FAM178B: variants seen among roughly 807,000 people sequenced by gnomAD.
FAM178B encodes family with sequence similarity 178 member B.
A neutral mutation model predicts 91.7 loss-of-function variants in FAM178B; 82 were observed. The observed-to-expected ratio is 0.89, with a 90% CI of 0.75 to 1.07. The LOEUF is 1.07. Ranked by LOEUF, FAM178B falls within the 50% of genes least tolerant of loss-of-function variation. The pLI, the probability that FAM178B is intolerant of heterozygous loss-of-function variation, is 0.00. For missense variants in FAM178B, 769 were observed against 846.7 expected (o/e 0.91, Z 1.14); for synonymous variants, 368 against 359.4 (o/e 1.02, Z -0.27).
intron 1 of FAM178B, among the ~76,000 whole-genome samples, chr2:96,984,055 C>T (rs932633889): frequency 6.6e-6 from 1 of 152,030 alleles, no homozygotes; most frequent in African/African-American, 2.4e-5. Flanking sequence ...CTGCAACCTC[C>T]GCCTCCCGGG....
chr2:96,878,078 G>A, intron 15 of FAM178B, 36 bp from the exon 16 acceptor site: 1 of 1,599,720 alleles, frequency 6.3e-7, no homozygotes, highest in Non-Finnish European at 8.5e-7. Flanking sequence ...AGCGGGTGTA[G>A]CACAAGCCAG....
chr2:96,954,305 A>G (rs2081968646), intron 6 of FAM178B, among the ~76,000 whole-genome samples: 1 of 152,252 alleles, frequency 6.6e-6, no homozygotes. Context: ...CATGACAGCA[A>G]TGACAGTGGG....
At chr2:96,951,704 T>G in intron 6 of FAM178B, 1 of 519,472 alleles carries the variant, frequency 1.9e-6, no homozygotes. Context: ...GAATGTTGCG[T>G]GAACACACCT....
At chr2:96,948,288 C>CA (rs2081864895) in intron 7 of FAM178B, among the ~76,000 whole-genome samples, 1 of 152,254 alleles carries the variant, frequency 6.6e-6, no homozygotes, top group Admixed American at 6.5e-5. Flanking sequence ...AGCATGCCTG[C>CA]ACTCATCACA....
rs60965536 is a variant in FAM178B at position 96,967,911 on chromosome 2, C to CTTTTTTTTTTTTT, written c.627-297_627-285dup. On this transcript the variant is annotated intron_variant, in intron 4 of 16. Transcript: ENST00000490605. Reference sequence around the variant, plus strand: ...TCTTTACTTGTGTACCCTGTTTGGTCTTTTTTTTTTTTTTTTTTTTTTTTT... The same window carrying CTTTTTTTTTTTTT: ...TCTTTACTTGTGTACCCTGTTTGGTCTTTTTTTTTTTTTTTTTTTTTTTTTTTTTTTTTTTTTT... 8.0e-3 allele frequency among the ~76,000 whole-genome samples: 501 copies of CTTTTTTTTTTTTT among 62,430 alleles called. 158 individuals are homozygous for CTTTTTTTTTTTTT. Among genetic ancestry groups the CTTTTTTTTTTTTT allele is most frequent in the Non-Finnish European group, 0.012 (387 of 33,232 alleles). 41.0% of individuals were successfully genotyped at this position (62,430 alleles called of 152,430 possible).
intron 9 of FAM178B, among the ~76,000 whole-genome samples, chr2:96,924,654 G>T (rs557442346): frequency 6.6e-6 from 1 of 152,324 alleles, no homozygotes; most frequent in East Asian, 1.9e-4. Flanking sequence ...CACCTTCATC[G>T]TATGGCCGAA....
intron 13 of FAM178B, chr2:96,898,155 T>C (rs1437524985): frequency 1.0e-6 from 1 of 976,710 alleles, no homozygotes; most frequent in South Asian, 4.7e-5. Flanking sequence ...AGTGAATCGA[T>C]TGATAGGATT....
intron 8 of FAM178B, among the ~76,000 whole-genome samples, chr2:96,941,057 C>T (rs936021823): frequency 2.0e-5 from 3 of 151,892 alleles, no homozygotes; most frequent in African/African-American, 4.8e-5. Context: ...ACTAATGTGG[C>T]GAAAGAAATA....
chr2:96,896,397 C>A (rs954674988), intron 13 of FAM178B, among the ~76,000 whole-genome samples: 2 of 152,310 alleles, frequency 1.3e-5, no homozygotes, highest in Non-Finnish European at 1.5e-5. Flanking sequence ...AGCCTCTCCC[C>A]CACACACAAA....
chr2:96,964,539 C>T (rs1316233051), intron 5 of FAM178B, among the ~76,000 whole-genome samples: 1 of 152,140 alleles, frequency 6.6e-6, no homozygotes, highest in Non-Finnish European at 1.5e-5. Flanking sequence ...CCCCTGCAGC[C>T]CAATGCACAT....
chr2:96,923,998 A>G (rs1297558944), intron 9 of FAM178B, among the ~76,000 whole-genome samples: 1 of 152,176 alleles, frequency 6.6e-6, no homozygotes, highest in African/African-American at 2.4e-5. Context: ...ACCTTCCACA[A>G]CCTAACCTCG....
chr2:96,889,905 G>A (rs2153368177), intron 14 of FAM178B, among the ~76,000 whole-genome samples: 1 of 151,296 alleles, frequency 6.6e-6, no homozygotes, highest in African/African-American at 2.4e-5. Flanking sequence ...TTGGGAGGCT[G>A]AGGTGGGAGG....
At chr2:96,920,894 G>A (rs2081326243) in intron 12 of FAM178B, among the ~76,000 whole-genome samples, 1 of 152,234 alleles carries the variant, frequency 6.6e-6, no homozygotes, top group Admixed American at 6.5e-5. Context: ...AGACTGGGGA[G>A]GGAGCCCCAA....
At chr2:96,937,428 G>A (rs187715426) in intron 8 of FAM178B, among the ~76,000 whole-genome samples, 21 of 152,310 alleles carry the variant, frequency 1.4e-4, no homozygotes, top group African/African-American at 4.6e-4. Context: ...TCTGGTGGAT[G>A]ATGAGGGTGG....
intron 1 of FAM178B, among the ~76,000 whole-genome samples, chr2:96,974,543 T>A (rs1257678235): frequency 6.6e-6 from 1 of 151,958 alleles, no homozygotes; most frequent in Non-Finnish European, 1.5e-5. Flanking sequence ...AGTTCAAATA[T>A]AAACGGATTA....
intron 12 of FAM178B, among the ~76,000 whole-genome samples, chr2:96,910,835 C>T (rs576160803): frequency 4.1e-5 from 6 of 146,124 alleles, no homozygotes; most frequent in African/African-American, 1.3e-4. Context: ...CTTGCTCTGT[C>T]GCCCAGGCTG....
At chr2:96,962,482 T>C (rs1574308214) in intron 5 of FAM178B, among the ~76,000 whole-genome samples, 1 of 151,110 alleles carries the variant, frequency 6.6e-6, no homozygotes, top group East Asian at 1.9e-4. Context: ...CTATAAGAAC[T>C]AGGCTAATCT....
intron 8 of FAM178B, among the ~76,000 whole-genome samples, chr2:96,932,435 G>A (rs2081555846): frequency 6.6e-6 from 1 of 152,202 alleles, no homozygotes. Context: ...CCACCCCGGA[G>A]CCCATAATTA....
At chr2:96,903,493 T>C (rs2080974713) in intron 12 of FAM178B, among the ~76,000 whole-genome samples, 1 of 152,160 alleles carries the variant, frequency 6.6e-6, no homozygotes, top group South Asian at 2.1e-4. Context: ...GGGAAATCCA[T>C]CTCCTGCCAG....
Sources: gnomAD v4.1 joint callset for allele counts (sites outside exome capture counted in the v4.1 genomes callset) on GRCh38, gnomAD v4.1.1 for gene constraint, MANE v1.5 for transcripts, NCBI Gene and HGNC (gene_info 2026-07-23, HGNC 2026-07-21) for gene names.